Variants in TGFBI observed in about 807,000 individuals in gnomAD.
TGFBI encodes transforming growth factor-beta-induced protein ig-h3.
Under a neutral mutation model 73.7 loss-of-function variants are expected in TGFBI, and 50 were observed. The ratio of observed to expected loss-of-function variants is 0.68; its 90% CI spans 0.54 to 0.86. The LOEUF is 0.86. Among genes scored for constraint, TGFBI ranks in the 40% least tolerant of loss-of-function variants. TGFBI has a pLI of 0.00. For missense variants in TGFBI, 839 were observed against 877.0 expected (o/e 0.96, Z 0.55); for synonymous variants, 362 against 360.5 (o/e 1.00, Z -0.05).
At chr5:136,052,143 T>C (rs1364661328) in intron 7 of TGFBI, among the ~76,000 whole-genome samples, 1 of 152,244 alleles carries the variant, frequency 6.6e-6, no homozygotes, top group Non-Finnish European at 1.5e-5. Flanking sequence ...TCCGAGGCAA[T>C]GGAGACCAGC....
intron 2 of TGFBI, among the ~76,000 whole-genome samples, chr5:136,035,634 A>G (rs1203167062): frequency 4.0e-5 from 6 of 151,836 alleles, no homozygotes; most frequent in Non-Finnish European, 7.4e-5. Flanking sequence ...CAAAAAAAAA[A>G]AAAAAAAAAG....
rs1164972182 is a variant in TGFBI at position 136,055,817 on chromosome 5, G to A, written c.1547+1G>A. ...TCCTGAAGGGAGACAATCGCTTTAG[G>A]TAATTAGTTCCATCCCCGGGTGGAG... On this transcript the variant is annotated splice_donor_variant, in intron 11 of 16. Coordinates refer to ENST00000442011, the MANE Select transcript of TGFBI (RefSeq NM_000358.3). LOFTEE classifies it high-confidence loss of function. 6.2e-7 allele frequency: 1 copy of A among 1,604,210 alleles called. No homozygotes were observed. Among genetic ancestry groups the A allele is most frequent in the Admixed American group, 1.7e-5 (1 of 59,686 alleles).
At chr5:136,037,649 CA>C (rs1312288922) in intron 2 of TGFBI, among the ~76,000 whole-genome samples, 12 of 152,288 alleles carry the variant, frequency 7.9e-5, no homozygotes, top group African/African-American at 2.4e-4. Flanking sequence ...GTTTCACGAG[CA>C]ACACATTTCA....
In TGFBI at chr5:136,029,175, G is replaced by C. The variant is rs1325467941; in HGVS notation, c.120G>C (p.Arg40=). 3.3e-6 allele frequency: 5 copies of C among 1,511,342 alleles called. No homozygotes were observed. The highest frequency in any genetic ancestry group is 2.0e-5 in the Admixed American group (1 of 49,424). The allele number at this position is 1,511,342 out of a possible 1,614,324, so 93.6% of individuals were successfully genotyped here. Residue 40 remains arginine (R), a synonymous_variant, in exon 1 of 17, where the codon CGG becomes CGC. Coordinates refer to ENST00000442011, the MANE Select transcript of TGFBI (RefSeq NM_000358.3). ...TGGTGCTGCAGCACAGCAGGCTCCG[G>C]GGCCGCCAGCACGGGTAAGCCGAGC... ...YQLVLQHSRL[R]GRQHGPNVCA...
intron 13 of TGFBI, among the ~76,000 whole-genome samples, chr5:136,059,483 T>A (rs151220278): frequency 1.3e-5 from 2 of 152,180 alleles, no homozygotes; most frequent in Non-Finnish European, 2.9e-5. Context: ...TAGATCTTCC[T>A]TCTCTTAAGG....
chr5:136,055,732 A>G lies in TGFBI; in HGVS notation c.1463A>G (p.Tyr488Cys). The G allele has an allele frequency of 6.2e-7, 1 of 1,612,634 alleles. No homozygotes were observed. The highest frequency in any genetic ancestry group is 8.5e-7 in the Non-Finnish European group (1 of 1,178,902). Residue 488 changes from tyrosine to cysteine, a missense_variant, in exon 11 of 17, where the codon TAC becomes TGC. Physicochemically the swap from Tyr to Cys is radical, Grantham distance 194. Coordinates refer to ENST00000442011, the MANE Select transcript of TGFBI (RefSeq NM_000358.3). ...CIAAHDKRGR[Y>C]GTLFTMDRVL... ...GCGGCCCACGACAAGAGGGGGAGGT[A>G]CGGGACCCTGTTCACGATGGACCGG...
chr5:136,055,925 A>G, intron 11 of TGFBI, 109 bp downstream of exon 11: 1 of 1,241,876 alleles, frequency 8.1e-7, no homozygotes, highest in South Asian at 1.8e-5. Flanking sequence ...GATTCAATTA[A>G]CACTAGCAGT....
At chr5:136,037,565 C>T (rs994370619) in intron 2 of TGFBI, among the ~76,000 whole-genome samples, 3 of 152,152 alleles carry the variant, frequency 2.0e-5, no homozygotes, top group East Asian at 3.9e-4. Context: ...ACATCATAAA[C>T]GTGGCATAGG....
At chr5:136,037,768 G>A (rs764683273) in intron 2 of TGFBI, among the ~76,000 whole-genome samples, 5 of 152,190 alleles carry the variant, frequency 3.3e-5, no homozygotes, top group Non-Finnish European at 7.3e-5. Context: ...TACTCCTTCA[G>A]CACTGCATTA....
chr5:136,044,173 T>A, intron 3 of TGFBI, 51 bp downstream of exon 3: 2 of 1,500,970 alleles, frequency 1.3e-6, no homozygotes, highest in Non-Finnish European at 1.9e-6. Context: ...AAGGGAATGG[T>A]GGGAGAGAGG....
chr5:136,043,947 C>A, intron 2 of TGFBI, 111 bp from the exon 3 acceptor site: 2 of 842,198 alleles, frequency 2.4e-6, no homozygotes, highest in Admixed American at 1.9e-5. Flanking sequence ...GAGTGTTTCA[C>A]CCACCATTCC....
intron 7 of TGFBI, 91 bp downstream of exon 7, chr5:136,049,671 C>A: frequency 1.4e-6 from 2 of 1,451,574 alleles, no homozygotes; most frequent in Non-Finnish European, 1.9e-6. Flanking sequence ...ATACCACCTG[C>A]CATGAGGTGA....
rs753661856 is a variant in TGFBI, at chr5:136,044,162, G to A, written c.298+40G>A. The A allele has an allele frequency of 3.6e-5, 56 of 1,556,866 alleles. No homozygotes were observed. In the African/African-American group the frequency reaches 7.3e-4, roughly 20 times the overall value. ...CGGGCCTTGCCTGTTGGTGTGGGTG[G>A]AAGGGAATGGTGGGAGAGAGGAGTA... On this transcript the variant is annotated intron_variant, in intron 3 of 16. Transcript: ENST00000442011.
intron 6 of TGFBI, chr5:136,047,827 G>C (rs932260316): frequency 2.4e-5 from 4 of 168,122 alleles, no homozygotes; most frequent in African/African-American, 9.5e-5. Flanking sequence ...CCAACCATAC[G>C]CATGTTCTCT....
At chr5:136,056,166 C>G (rs570823328) in intron 11 of TGFBI, among the ~76,000 whole-genome samples, 19 of 152,364 alleles carry the variant, frequency 1.2e-4, no homozygotes, top group Non-Finnish European at 2.6e-4. Context: ...GCCTCTCACT[C>G]TCTGCGCAGT....
intron 15 of TGFBI, 93 bp from the exon 16 acceptor site, chr5:136,062,570 C>A: frequency 1.5e-6 from 2 of 1,338,318 alleles, no homozygotes; most frequent in Non-Finnish European, 1.0e-6. Flanking sequence ...AGCATTTTTT[C>A]TGAGTAGGGG....
intron 1 of TGFBI, among the ~76,000 whole-genome samples, chr5:136,032,538 G>A (rs1751138864): frequency 6.6e-6 from 1 of 152,242 alleles, no homozygotes; most frequent in Non-Finnish European, 1.5e-5. Context: ...ATCAAGTGAT[G>A]TCTGTGGATG....
chr5:136,060,942 T>C lies in TGFBI; in HGVS notation c.1906+6T>C. ...CAATGTTCTGCAGCCTCCAGGTAAGTGTCGCATCCCCACTGACTCTGCAGC... is the reference window on the plus strand; with the variant it reads ...CAATGTTCTGCAGCCTCCAGGTAAGCGTCGCATCCCCACTGACTCTGCAGC... On this transcript the variant is annotated splice_donor_region_variant and intron_variant, in intron 14 of 16. Coordinates refer to ENST00000442011, the MANE Select transcript of TGFBI (RefSeq NM_000358.3). The C allele has an allele frequency of 6.4e-7, 1 of 1,555,202 alleles. No homozygotes were observed. Among genetic ancestry groups the C allele is most frequent in the Non-Finnish European group, 8.7e-7 (1 of 1,143,662 alleles).
intron 1 of TGFBI, among the ~76,000 whole-genome samples, chr5:136,030,440 C>G (rs1580706129): frequency 6.6e-6 from 1 of 152,092 alleles, no homozygotes; most frequent in Non-Finnish European, 1.5e-5. Flanking sequence ...GAGTTTGGGG[C>G]TCTGGCGGAG....
Sources: gnomAD v4.1 joint callset for allele counts (sites outside exome capture counted in the v4.1 genomes callset) on GRCh38, gnomAD v4.1.1 for gene constraint, MANE v1.5 for transcripts, NCBI Gene and HGNC (gene_info 2026-07-23, HGNC 2026-07-21) for gene names.